The following SH3D19 variants were observed in gnomAD, a reference collection of about 807,000 sequenced individuals.
The protein encoded by SH3D19 is SH3 domain-containing protein 19.
In SH3D19, 58 loss-of-function variants were observed where a neutral mutation model predicts 112.1. The ratio of observed to expected loss-of-function variants is 0.52; its 90% CI spans 0.42 to 0.64. The LOEUF (loss-of-function observed/expected upper bound fraction) is 0.64, where lower values mean the gene tolerates loss of function less well. Among genes scored for constraint, SH3D19 ranks in the 30% least tolerant of loss-of-function variants. The probability of loss-of-function intolerance (pLI) is 0.00; values close to 1 mark genes in which losing one functional copy is unlikely to be tolerated. For missense variants in SH3D19, 1,090 were observed against 1,263.4 expected, an observed-to-expected ratio of 0.86 and a Z score of 2.08; for synonymous variants, 391 against 448.5, an observed-to-expected ratio of 0.87 and a Z score of 1.62.
intron 1 of SH3D19, among the ~76,000 whole-genome samples, chr4:151,249,413 T>G (rs1013055716): frequency 5.3e-5 from 8 of 152,214 alleles, no homozygotes; most frequent in African/African-American, 1.7e-4. Context: ...ATATTCTGTA[T>G]AGAATTAGCA....
intron 17 of SH3D19, among the ~76,000 whole-genome samples, chr4:151,128,840 T>A (rs1339786339): frequency 6.6e-6 from 1 of 152,120 alleles, no homozygotes; most frequent in Non-Finnish European, 1.5e-5. Flanking sequence ...AAATGAAGTC[T>A]CACTATGTTG....
chr4:151,144,237 CG>C, intron 11 of SH3D19, 187 bp from the exon 12 acceptor site: 1 of 1,613,948 alleles, frequency 6.2e-7, no homozygotes, highest in South Asian at 1.1e-5. Context: ...GAGAGTTCTC[CG>C]GGGTTTTGAG....
At chr4:151,173,337 T>C (rs1554044182) in intron 7 of SH3D19, among the ~76,000 whole-genome samples, 1 of 152,158 alleles carries the variant, frequency 6.6e-6, no homozygotes, top group Non-Finnish European at 1.5e-5. Context: ...TTCATGAAAA[T>C]ATTGGGTAGC....
At chr4:151,240,277 G>A (rs1263659314) in intron 1 of SH3D19, among the ~76,000 whole-genome samples, 1 of 149,684 alleles carries the variant, frequency 6.7e-6, no homozygotes, top group Non-Finnish European at 1.5e-5. Context: ...CAGGAACAGT[G>A]GCACGAGCCT....
At chr4:151,168,344 T>C (rs1220007784) in intron 7 of SH3D19, among the ~76,000 whole-genome samples, 1 of 152,072 alleles carries the variant, frequency 6.6e-6, no homozygotes, top group Non-Finnish European at 1.5e-5. Flanking sequence ...ATTTTACATA[T>C]TTGAATAGTT....
intron 2 of SH3D19, among the ~76,000 whole-genome samples, chr4:151,218,880 A>G (rs11099794): frequency 0.82 from 125,329 of 152,092 alleles, 53,438 homozygotes; most frequent in Non-Finnish European, 0.95. Flanking sequence ...ATGCAAATGG[A>G]CATGGCTGAG....
chr4:151,261,767 A>G (rs1437485304), intron 1 of SH3D19, among the ~76,000 whole-genome samples: 1 of 152,174 alleles, frequency 6.6e-6, no homozygotes, highest in Non-Finnish European at 1.5e-5. Flanking sequence ...TGAGACCTTA[A>G]AAGTAAAAAG....
chr4:151,127,129 T>C (rs1220557162), intron 19 of SH3D19, among the ~76,000 whole-genome samples: 3 of 152,098 alleles, frequency 2.0e-5, no homozygotes, highest in Admixed American at 2.0e-4. Flanking sequence ...GCCAGGATGG[T>C]CTCGATCTCC....
At chr4:151,213,929 G>A (rs1766428296) in intron 2 of SH3D19, among the ~76,000 whole-genome samples, 1 of 150,768 alleles carries the variant, frequency 6.6e-6, no homozygotes, top group African/African-American at 2.4e-5. Context: ...GGATTTGGCA[G>A]GGTCATAGGA....
chr4:151,224,082 G>A (rs1381831818), intron 2 of SH3D19, among the ~76,000 whole-genome samples: 1 of 152,172 alleles, frequency 6.6e-6, no homozygotes, highest in Non-Finnish European at 1.5e-5. Flanking sequence ...GGCCGAGGCA[G>A]GTGGATCACG....
intron 19 of SH3D19, among the ~76,000 whole-genome samples, chr4:151,127,243 T>A (rs998023928): frequency 2.2e-4 from 33 of 152,166 alleles, no homozygotes; most frequent in Non-Finnish European, 4.4e-5. Context: ...TGATTCTCCA[T>A]CAATTTCAAA....
Position 151,273,589 on chromosome 4 carries a change from C to CAAAAAA in SH3D19, c.113-47509_113-47504dup, listed in dbSNP as rs60600816. Among the ~76,000 whole-genome samples the CAAAAAA allele has an allele frequency of 2.8e-3, 180 of 64,532 alleles. 6 individuals are homozygous for CAAAAAA. The highest frequency in any genetic ancestry group is 8.4e-3 in the African/African-American group (104 of 12,364). 42.3% of individuals were successfully genotyped at this position (64,532 alleles called of 152,430 possible). A position where few individuals can be genotyped will look rare whatever the true frequency, so the allele number is the denominator to read the frequency against. On this transcript the variant is annotated intron_variant, in intron 1 of 19. Coordinates refer to ENST00000604030, the MANE Select transcript of SH3D19 (RefSeq NM_001378122.1). ...TGGGCGACAGAGCGAGACTCCATCTCAAAAAAAAAAAAAAAAAAAAAAAAA... is the reference window on the plus strand; with the variant it reads ...TGGGCGACAGAGCGAGACTCCATCTCAAAAAAAAAAAAAAAAAAAAAAAAAAAAAAA...
intron 1 of SH3D19, among the ~76,000 whole-genome samples, chr4:151,281,149 C>T (rs1037167982): frequency 6.6e-6 from 1 of 152,046 alleles, no homozygotes; most frequent in African/African-American, 2.4e-5. Flanking sequence ...AACAAGAGAG[C>T]AGAGGGCTCC....
intron 1 of SH3D19, among the ~76,000 whole-genome samples, chr4:151,302,319 T>C (rs1011467273): frequency 6.6e-6 from 1 of 152,188 alleles, no homozygotes; most frequent in Non-Finnish European, 1.5e-5. Flanking sequence ...TAGAGGTTGT[T>C]TGTAATCACA....
chr4:151,171,229 C>A (rs1944159075), intron 7 of SH3D19, among the ~76,000 whole-genome samples: 1 of 150,176 alleles, frequency 6.7e-6, no homozygotes, highest in Non-Finnish European at 1.5e-5. Flanking sequence ...TTTTTCCTCA[C>A]AGCTCCAAAC....
chr4:151,284,307 G>A (rs1044137258), intron 1 of SH3D19, among the ~76,000 whole-genome samples: 2 of 152,014 alleles, frequency 1.3e-5, no homozygotes, highest in Admixed American at 6.6e-5. Context: ...AAATTGATCT[G>A]TATTGAAGAT....
chr4:151,157,751 C>G (rs556865797), intron 9 of SH3D19, among the ~76,000 whole-genome samples: 2 of 152,116 alleles, frequency 1.3e-5, no homozygotes, highest in Non-Finnish European at 2.9e-5. Flanking sequence ...GAATACTATA[C>G]AGCCATAAAA....
At position 151,322,427 on chromosome 4, in the gene SH3D19, T is replaced by G. The variant is rs191467930; in HGVS notation, c.112+2814A>C. On this transcript the variant is annotated intron_variant, in intron 1 of 19. Coordinates refer to ENST00000604030, the MANE Select transcript of SH3D19 (RefSeq NM_001378122.1). ...CAGCCTGGGCGACAGAGCAAGACTC[T>G]GCCTAAAAAAAAAAAAAAAAAAAAA... 7.8e-4 allele frequency among the ~76,000 whole-genome samples: 87 copies of G among 112,116 alleles called. No homozygotes were observed. In the East Asian group the frequency reaches 0.019, roughly 24 times the overall value. The allele number at this position is 112,116 out of a possible 152,430, so 73.6% of individuals were successfully genotyped here.
rs77392031 is a variant in SH3D19 at position 151,129,902 on chromosome 4, A to G, written c.2743-1546T>C. On this transcript the variant is annotated intron_variant, in intron 17 of 19. Coordinates refer to ENST00000604030, the MANE Select transcript of SH3D19 (RefSeq NM_001378122.1). ...AACAAAAACAAAAAGCAAGCAAACA[A>G]CACTAACCCCCTCTTGCTCCTGCAC... 2.5e-3 allele frequency among the ~76,000 whole-genome samples: 375 copies of G among 152,332 alleles called. 1 individual carries two copies. Among genetic ancestry groups the G allele is most frequent in the African/African-American group, 8.7e-3 (363 of 41,570 alleles).
Sources: gnomAD v4.1 joint callset for allele counts (sites outside exome capture counted in the v4.1 genomes callset) on GRCh38, gnomAD v4.1.1 for gene constraint, MANE v1.5 for transcripts, NCBI Gene and HGNC (gene_info 2026-07-23, HGNC 2026-07-21) for gene names.